Variants in STAC observed in about 807,000 individuals in gnomAD.
STAC encodes the protein SH3 and cysteine rich domain, also known as SH3 and cysteine-rich domain-containing protein.
Under a neutral mutation model 48.8 loss-of-function variants are expected in STAC, and 43 were observed. That is an observed-to-expected ratio of 0.88 (90% CI 0.69 to 1.14). The LOEUF is 1.14. STAC is among the 50% of genes most tolerant of loss of function. STAC has a pLI of 0.00. For missense variants in STAC, 497 were observed against 504.0 expected, an observed-to-expected ratio of 0.99 and a Z score of 0.13; for synonymous variants, 193 against 179.5, an observed-to-expected ratio of 1.07 and a Z score of -0.60.
At chr3:36,432,664 C>T (rs546014067) in intron 1 of STAC, among the ~76,000 whole-genome samples, 6 of 151,636 alleles carry the variant, frequency 4.0e-5, no homozygotes, top group Non-Finnish European at 8.8e-5. Flanking sequence ...GATCGTGCCA[C>T]TGCACTCCAG....
intron 1 of STAC, among the ~76,000 whole-genome samples, chr3:36,430,405 G>A (rs1700672744): frequency 6.6e-6 from 1 of 152,158 alleles, no homozygotes; most frequent in Non-Finnish European, 1.5e-5. Flanking sequence ...CTGAGACTTA[G>A]ATAATGAGCA....
At position 36,486,177 on chromosome 3, in the gene STAC, C is replaced by T. The variant is rs752252190; in HGVS notation, c.615C>T (p.Phe205=). ...ACCCTGTCTACGAGACCCTCCGCTT[C>T]GGCACCTCCCTGGCCCAGAGGACAA... is the stretch of plus-strand genomic sequence containing the variant. ...KVDPVYETLR[F]GTSLAQRTKK... is the part of the protein sequence containing the mutation. The change falls in exon 5 of 11, where the codon TTC becomes TTT. Residue 205 remains phenylalanine, a synonymous_variant. Transcript: ENST00000273183. 1.4e-5 allele frequency: 22 copies of T among 1,613,982 alleles called. No homozygotes were observed. The highest frequency in any genetic ancestry group is 1.6e-4 in the Middle Eastern group (1 of 6,062).
At chr3:36,469,658 C>T (rs190700110) in intron 2 of STAC, among the ~76,000 whole-genome samples, 3 of 152,306 alleles carry the variant, frequency 2.0e-5, no homozygotes, top group Admixed American at 1.3e-4. Context: ...CTTGATTATT[C>T]CCTCAAATAT....
At chr3:36,398,729 G>A (rs181855966) in intron 1 of STAC, among the ~76,000 whole-genome samples, 32 of 151,472 alleles carry the variant, frequency 2.1e-4, no homozygotes, top group Non-Finnish European at 3.1e-4. Context: ...AAAGAAAAGA[G>A]AGAAGGAAGG....
intron 1 of STAC, among the ~76,000 whole-genome samples, chr3:36,407,531 T>C (rs564414684): frequency 5.5e-4 from 84 of 152,356 alleles, no homozygotes; most frequent in African/African-American, 1.9e-3. Flanking sequence ...CCCCAGAAGA[T>C]TGTCTCCAAA....
intron 1 of STAC, among the ~76,000 whole-genome samples, chr3:36,408,351 C>T (rs1247171513): frequency 6.6e-6 from 1 of 152,150 alleles, no homozygotes; most frequent in East Asian, 1.9e-4. Flanking sequence ...CTACCACTAG[C>T]CCAGTTATTG....
intron 1 of STAC, among the ~76,000 whole-genome samples, chr3:36,440,984 A>C (rs569841858): frequency 4.6e-5 from 7 of 152,324 alleles, no homozygotes; most frequent in African/African-American, 4.8e-5. Flanking sequence ...AAATAATTGT[A>C]CCTATTTATG....
chr3:36,398,513 A>T (rs1292459114), intron 1 of STAC, among the ~76,000 whole-genome samples: 1 of 65,042 alleles, frequency 1.5e-5, no homozygotes. Context: ...GGAAGAGAAA[A>T]AGAAAGAGAG....
chr3:36,397,346 AT>A (rs1419117260), intron 1 of STAC, among the ~76,000 whole-genome samples: 1 of 152,152 alleles, frequency 6.6e-6, no homozygotes, highest in Non-Finnish European at 1.5e-5. Flanking sequence ...ACTGGTCATT[AT>A]TTTCGATGGA....
intron 8 of STAC, among the ~76,000 whole-genome samples, chr3:36,512,323 G>A (rs1328878031): frequency 1.3e-5 from 2 of 152,084 alleles, no homozygotes; most frequent in African/African-American, 4.8e-5. Flanking sequence ...AGAATTCCTC[G>A]CTGGGATGAA....
intron 1 of STAC, among the ~76,000 whole-genome samples, chr3:36,386,588 C>T (rs1699621291): frequency 1.3e-5 from 2 of 151,888 alleles, no homozygotes; most frequent in Non-Finnish European, 2.9e-5. Context: ...ATTTGCCTTT[C>T]ACAGGTGGAT....
intron 10 of STAC, among the ~76,000 whole-genome samples, chr3:36,545,286 C>T (rs1327540936): frequency 1.3e-5 from 2 of 152,226 alleles, no homozygotes; most frequent in Non-Finnish European, 2.9e-5. Context: ...TGATGCAATT[C>T]ATGCTCCAGA....
intron 1 of STAC, 128 bp downstream of exon 1, chr3:36,380,882 G>T: frequency 2.0e-6 from 1 of 498,876 alleles, no homozygotes; most frequent in South Asian, 2.3e-5. Context: ...CAGGGCTGTA[G>T]GACTTGAACG....
Position 36,406,440 on chromosome 3 carries a change from G to C in STAC, c.111+25686G>C, listed in dbSNP as rs115099887. ...GCCTATACTCTCACATCTACCAGCT[G>C]TGCCTCCAAGGAAAGGACATGGTCT... On this transcript the variant is annotated intron_variant, in intron 1 of 10. Coordinates refer to ENST00000273183, the MANE Select transcript of STAC (RefSeq NM_003149.3). Among the ~76,000 whole-genome samples the C allele has an allele frequency of 2.0e-5, 3 of 152,316 alleles. No individual in the cohort carries two copies. The East Asian group carries it at 5.8e-4, about 29-fold the overall frequency.
chr3:36,403,791 A>G (rs1038114355), intron 1 of STAC, among the ~76,000 whole-genome samples: 28 of 152,144 alleles, frequency 1.8e-4, no homozygotes, highest in African/African-American at 6.5e-4. Flanking sequence ...CAAGGGTGCC[A>G]TGGTTTCAGA....
chr3:36,380,523 C>CGGCGAGGA lies in STAC; in HGVS notation c.-120_-113dup, dbSNP rs1699483180. 3 of 725,466 alleles carry CGGCGAGGA rather than the reference C, an allele frequency of 4.1e-6. No individual in the cohort carries two copies. The highest frequency in any genetic ancestry group is 4.6e-6 in the Non-Finnish European group (2 of 435,472). 44.9% of individuals were successfully genotyped at this position (725,466 alleles called of 1,614,324 possible). On this transcript the variant is annotated 5_prime_UTR_variant, in exon 1 of 11. It adds an upstream start codon to the 5' untranslated region. Coordinates refer to ENST00000273183, the MANE Select transcript of STAC (RefSeq NM_003149.3). ...GCTGGAGGAGGGCACGTCGGCGCCT[C>CGGCGAGGA]GGCGAGGATGGGAGTCCCCAGGACC...
intron 8 of STAC, among the ~76,000 whole-genome samples, chr3:36,525,034 T>C (rs1698899497): frequency 6.6e-6 from 1 of 152,206 alleles, no homozygotes; most frequent in Admixed American, 6.5e-5. Flanking sequence ...ATTATACATA[T>C]GTGATATGTT....
At chr3:36,535,421 G>A (rs759419169) in intron 10 of STAC, among the ~76,000 whole-genome samples, 7 of 152,180 alleles carry the variant, frequency 4.6e-5, no homozygotes, top group Non-Finnish European at 8.8e-5. Context: ...TGCAAACAGA[G>A]ACATTTTGAC....
chr3:36,528,806 A>G, intron 9 of STAC, 42 bp from the exon 10 acceptor site: 1 of 1,607,664 alleles, frequency 6.2e-7, no homozygotes, highest in Non-Finnish European at 8.5e-7. Context: ...CTATTATAAT[A>G]CATGCTACAA....
Sources: gnomAD v4.1 joint callset for allele counts (sites outside exome capture counted in the v4.1 genomes callset) on GRCh38, gnomAD v4.1.1 for gene constraint, MANE v1.5 for transcripts, NCBI Gene and HGNC (gene_info 2026-07-23, HGNC 2026-07-21) for gene names.